Variants in COMMD1 observed in about 807,000 individuals in gnomAD.
The protein encoded by COMMD1 is copper metabolism domain containing 1.
COMMD1 carries 10 observed loss-of-function variants against 17.2 expected under a neutral mutation model. The observed-to-expected ratio is 0.58, with a 90% CI of 0.36 to 0.99. COMMD1 has a LOEUF of 0.99. Among genes scored for constraint, COMMD1 ranks in the 50% least tolerant of loss-of-function variants. The probability of loss-of-function intolerance (pLI) is 0.01; values close to 1 mark genes in which losing one functional copy is unlikely to be tolerated. For missense variants in COMMD1, 270 were observed against 231.8 expected (o/e 1.17, Z -1.07); for synonymous variants, 97 against 91.6 (o/e 1.06, Z -0.34).
intron 2 of COMMD1, among the ~76,000 whole-genome samples, chr2:62,004,003 C>T (rs1669039148): frequency 6.6e-6 from 1 of 152,050 alleles, no homozygotes; most frequent in South Asian, 2.1e-4. Flanking sequence ...TGGTGTGTGT[C>T]TGTAGTTCCA....
chr2:61,900,405 A>G (rs1261130423), intron 1 of COMMD1, among the ~76,000 whole-genome samples: 2 of 152,242 alleles, frequency 1.3e-5, no homozygotes, highest in African/African-American at 4.8e-5. Context: ...TAAGGATGCT[A>G]TGTCAGAGTT....
In COMMD1 at chr2:62,025,002, A is replaced by G. The variant is rs564943511; in HGVS notation, c.462+24020A>G. Among the ~76,000 whole-genome samples the G allele has an allele frequency of 5.9e-5, 9 of 152,264 alleles. No homozygotes were observed. In the South Asian group the frequency reaches 1.7e-3, roughly 28 times the overall value. ...AGCACTTTAGGAGGCTGAGGCGGGCAGATCACCTGAGGTCAGGAGTTCAAG... is the reference window on the plus strand; with the variant it reads ...AGCACTTTAGGAGGCTGAGGCGGGCGGATCACCTGAGGTCAGGAGTTCAAG... On this transcript the variant is annotated intron_variant, in intron 2 of 2. Coordinates refer to ENST00000311832, the MANE Select transcript of COMMD1 (RefSeq NM_152516.4).
chr2:61,894,855 C>A (rs931387747), intron 1 of COMMD1, among the ~76,000 whole-genome samples: 4 of 151,900 alleles, frequency 2.6e-5, no homozygotes, highest in African/African-American at 9.7e-5. Context: ...TGCACCACCA[C>A]GCCCAGCTAA....
At chr2:61,888,587 A>G (rs1239107970), upstream of COMMD1, 4 of 1,513,478 alleles carry the variant, frequency 2.6e-6, no homozygotes, top group Non-Finnish European at 2.7e-6. Flanking sequence ...TAATAACGGT[A>G]AGCCCTCACT....
At position 62,055,572 on chromosome 2, in the gene COMMD1, G is replaced by T. The variant is rs551957974; in HGVS notation, c.462+54590G>T. The T allele has an allele frequency of 2.8e-5, 11 of 397,584 alleles. No individual in the cohort carries two copies. The Admixed American group carries it at 3.8e-4, about 14-fold the overall frequency. 24.6% of individuals were successfully genotyped at this position (397,584 alleles called of 1,614,324 possible). ...CCAAGCACCCTGCATTAAAAGACAA[G>T]CCTTTGGAGTTTTTCAAAAGAAGAA... is the stretch of plus-strand genomic sequence containing the variant. On this transcript the variant is annotated intron_variant, in intron 2 of 2. Coordinates refer to ENST00000311832, the MANE Select transcript of COMMD1 (RefSeq NM_152516.4).
chr2:61,932,707 G>A lies in COMMD1; in HGVS notation c.180+26849G>A, dbSNP rs961047284. 2.0e-5 allele frequency among the ~76,000 whole-genome samples: 3 copies of A among 152,188 alleles called. No homozygotes were observed. In the East Asian group the frequency reaches 5.8e-4, roughly 29 times the overall value. On this transcript the variant is annotated intron_variant, in intron 1 of 2. Coordinates refer to ENST00000311832, the MANE Select transcript of COMMD1 (RefSeq NM_152516.4). ...TTGCTGGACTTGTGACAGGGGTGTG[G>A]CTTGTTTACTTGGCTGCCGTGTGCC...
At chr2:62,053,594 A>G (rs574369749) in intron 2 of COMMD1, among the ~76,000 whole-genome samples, 1 of 152,322 alleles carries the variant, frequency 6.6e-6, no homozygotes, top group Admixed American at 6.5e-5. Context: ...TTACCTCAGC[A>G]GTGAGATTTT....
At chr2:62,135,760 G>T in intron 2 of COMMD1, 71 bp from the exon 3 acceptor site, 1 of 805,166 alleles carries the variant, frequency 1.2e-6, no homozygotes, top group South Asian at 1.3e-5. Flanking sequence ...TGGGTATTTT[G>T]AGTTTGGTCA....
At chr2:62,071,569 T>C (rs186571860) in intron 2 of COMMD1, among the ~76,000 whole-genome samples, 3 of 152,330 alleles carry the variant, frequency 2.0e-5, no homozygotes, top group African/African-American at 7.2e-5. Flanking sequence ...GCCTCTGACA[T>C]ATGGAGGGGC....
At chr2:61,899,629 T>C (rs1027851604) in intron 1 of COMMD1, among the ~76,000 whole-genome samples, 2 of 151,982 alleles carry the variant, frequency 1.3e-5, no homozygotes, top group Non-Finnish European at 2.9e-5. Context: ...TACATTTGAG[T>C]AGGAGTTAAA....
chr2:62,083,709 T>C (rs1478456209), intron 2 of COMMD1, among the ~76,000 whole-genome samples: 1 of 152,254 alleles, frequency 6.6e-6, no homozygotes, highest in Admixed American at 6.5e-5. Context: ...AAGAATTGTT[T>C]GTAGGTGAAT....
At chr2:61,892,876 T>C (rs943469176) in intron 1 of COMMD1, among the ~76,000 whole-genome samples, 5 of 151,774 alleles carry the variant, frequency 3.3e-5, no homozygotes, top group Admixed American at 1.3e-4. Context: ...GTTCTTTTTT[T>C]TTCCCCCCTG....
intron 2 of COMMD1, among the ~76,000 whole-genome samples, chr2:62,032,102 T>C (rs764557834): frequency 2.6e-5 from 4 of 152,248 alleles, no homozygotes; most frequent in Non-Finnish European, 5.9e-5. Flanking sequence ...TTGTGTGTTA[T>C]ATATCTTGTA....
chr2:62,075,914 C>A lies in COMMD1; in HGVS notation c.463-59917C>A, dbSNP rs11677480. On this transcript the variant is annotated intron_variant, in intron 2 of 2. Coordinates refer to ENST00000311832, the MANE Select transcript of COMMD1 (RefSeq NM_152516.4). ...AGTCTTAGAGAAAGAGGTTTTCCAG[C>A]AGAATTGCAAGAATATCTCAGTCTG... 9.9e-3 allele frequency among the ~76,000 whole-genome samples: 1,501 copies of A among 152,310 alleles called. 10 individuals are homozygous for A. Among genetic ancestry groups the A allele is most frequent in the South Asian group, 0.019 (93 of 4,826 alleles).
intron 2 of COMMD1, among the ~76,000 whole-genome samples, chr2:62,023,131 CAGG>C (rs1484725475): frequency 2.6e-5 from 4 of 151,538 alleles, no homozygotes; most frequent in African/African-American, 9.7e-5. Flanking sequence ...GAGGCTGAGA[CAGG>C]AGAATCGCTT....
At chr2:62,006,273 C>T (rs1669116604) in intron 2 of COMMD1, among the ~76,000 whole-genome samples, 1 of 150,814 alleles carries the variant, frequency 6.6e-6, no homozygotes, top group Non-Finnish European at 1.5e-5. Flanking sequence ...GTGCAGCACA[C>T]CAGCATGGCA....
intron 1 of COMMD1, among the ~76,000 whole-genome samples, chr2:61,979,603 G>A (rs892830831): frequency 6.6e-6 from 1 of 152,094 alleles, no homozygotes; most frequent in Non-Finnish European, 1.5e-5. Flanking sequence ...ACCGCGCCCG[G>A]CCTATTTTTA....
chr2:62,116,199 CTTATGTT>C (rs1672599050), intron 2 of COMMD1, among the ~76,000 whole-genome samples: 1 of 152,058 alleles, frequency 6.6e-6, no homozygotes, highest in Admixed American at 6.6e-5. Flanking sequence ...TTTCAGATGT[CTTATGTT>C]TTATAAGTGT....
intron 2 of COMMD1, among the ~76,000 whole-genome samples, chr2:62,132,840 CAAA>C (rs58741435): frequency 1.4e-5 from 2 of 146,754 alleles, no homozygotes; most frequent in Non-Finnish European, 1.5e-5. Flanking sequence ...ACTCTTGTCT[CAAA>C]AAAAAAAAAA....
Sources: gnomAD v4.1 joint callset for allele counts (sites outside exome capture counted in the v4.1 genomes callset) on GRCh38, gnomAD v4.1.1 for gene constraint, MANE v1.5 for transcripts, NCBI Gene and HGNC (gene_info 2026-07-23, HGNC 2026-07-21) for gene names.